Variants in SNRPN observed in about 807,000 individuals in gnomAD.
SNRPN encodes small nuclear ribonucleoprotein polypeptide N.
A neutral mutation model predicts 25.2 loss-of-function variants in SNRPN; 7 were observed. The observed-to-expected ratio is 0.28, with a 90% CI of 0.16 to 0.52. The LOEUF (loss-of-function observed/expected upper bound fraction) is 0.52. Among genes scored for constraint, SNRPN ranks in the 20% least tolerant of loss-of-function variants. The probability of loss-of-function intolerance (pLI) is 0.96; values close to 1 mark genes in which losing one functional copy is unlikely to be tolerated. For missense variants in SNRPN, 196 were observed against 322.5 expected (o/e 0.61, Z 3.00); for synonymous variants, 124 against 110.6 (o/e 1.12, Z -0.76).
In SNRPN at chr15:24,849,881, A is replaced by G. The variant is rs183272102; in HGVS notation, c.-579+19976A>G. The G allele has an allele frequency of 2.4e-4, 36 of 152,370 alleles. No individual in the cohort carries two copies. The East Asian group carries it at 6.9e-3, about 29-fold the overall frequency. 9.4% of individuals were successfully genotyped at this position (152,370 alleles called of 1,614,324 possible). On this transcript the variant is annotated intron_variant, in intron 2 of 12. Coordinates refer to the SNRPN transcript ENST00000400100. ...TTATTGAAAAAATCCTCGTAAAATT[A>G]TAAAGGCATAAGATTTACTTGTTAT...
intron 1 of SNRPN, 67 bp from the exon 2 acceptor site, chr15:24,962,047 C>T (rs967909633): frequency 2.3e-6 from 3 of 1,289,568 alleles, no homozygotes; most frequent in Non-Finnish European, 3.4e-6. Context: ...TAAATATAAC[C>T]TTGACAAATA....
chr15:24,929,144 A>G lies in SNRPN; in HGVS notation c.-391+9020A>G, dbSNP rs1471363956. Among the ~76,000 whole-genome samples, 1 of 152,002 alleles carries G rather than the reference A, an allele frequency of 6.6e-6. No individual in the cohort carries two copies. Among genetic ancestry groups the G allele is most frequent in the Non-Finnish European group, 1.5e-5 (1 of 68,028 alleles). On this transcript the variant is annotated intron_variant, in intron 3 of 11. Transcript: ENST00000400097. The surrounding 1 kb of genome is among the most constrained non-coding windows in gnomAD (Gnocchi z 5.3). ...GATATAGCTATATGTATGTGACTAT[A>G]TGTATTGTGTATATATGTATGTAGC...
At chr15:24,944,881 C>G (rs1172329696) in intron 3 of SNRPN, among the ~76,000 whole-genome samples, 1 of 152,190 alleles carries the variant, frequency 6.6e-6, no homozygotes, top group Non-Finnish European at 1.5e-5. Context: ...CAAGGGCAGT[C>G]TGGAGAGAAT....
intron 1 of SNRPN, among the ~76,000 whole-genome samples, chr15:24,873,778 G>C (rs947953176): frequency 3.3e-5 from 5 of 152,038 alleles, no homozygotes; most frequent in Non-Finnish European, 7.4e-5. Flanking sequence ...AAATCACGGA[G>C]TATATTCTCT....
intron 3 of SNRPN, among the ~76,000 whole-genome samples, chr15:24,922,383 C>G (rs1050790340): frequency 6.6e-6 from 1 of 152,178 alleles, no homozygotes; most frequent in Admixed American, 6.5e-5. Context: ...GAACCCAGAA[C>G]TATTTTTCTC....
chr15:24,876,211 A>AT (rs547553142), intron 1 of SNRPN, among the ~76,000 whole-genome samples: 5 of 151,964 alleles, frequency 3.3e-5, no homozygotes, highest in East Asian at 1.9e-4. Context: ...ACTTGTGTAC[A>AT]TTTTTTTTCC....
At chr15:24,918,126 T>C (rs1320220084) in intron 2 of SNRPN, among the ~76,000 whole-genome samples, 3 of 151,782 alleles carry the variant, frequency 2.0e-5, no homozygotes, top group Non-Finnish European at 4.4e-5. Flanking sequence ...AAAGTACGTA[T>C]CTGTATGTGC....
intron 3 of SNRPN, among the ~76,000 whole-genome samples, chr15:24,972,430 T>C (rs576018728): frequency 1.3e-5 from 2 of 152,284 alleles, no homozygotes; most frequent in South Asian, 4.1e-4. Context: ...GGTCTTTGTT[T>C]GCTTATTTGA....
chr15:24,918,870 T>C (rs1171883085), intron 2 of SNRPN, among the ~76,000 whole-genome samples: 1 of 123,524 alleles, frequency 8.1e-6, no homozygotes, highest in African/African-American at 2.9e-5. Context: ...ACAATATATA[T>C]ATGTGCATAT....
intron 2 of SNRPN, among the ~76,000 whole-genome samples, chr15:24,844,776 A>G (rs11161147): frequency 0.98 from 149,779 of 152,230 alleles, 73,690 homozygotes; most frequent in East Asian, 1. Flanking sequence ...CACCTGCCTC[A>G]GCTTCTCAAA....
chr15:24,885,156 G>A (rs1385905746), intron 1 of SNRPN, among the ~76,000 whole-genome samples: 4 of 152,026 alleles, frequency 2.6e-5, no homozygotes, highest in Non-Finnish European at 4.4e-5. Context: ...AGCATATATT[G>A]TTATGGGTAT....
rs1595759251 is a variant in SNRPN, at chr15:24,895,504, CTG to C, written c.-505+8916_-505+8917del. On this transcript the variant is annotated intron_variant, in intron 2 of 11. Coordinates refer to the SNRPN transcript ENST00000400097. Reference sequence around the variant, plus strand: ...ACCTCAAACATTTAATTTTGGATGACTGAGTCAAAAAGAGAATTGAAATTGCC... The same window carrying C: ...ACCTCAAACATTTAATTTTGGATGACAGTCAAAAAGAGAATTGAAATTGCC... Among the ~76,000 whole-genome samples the C allele has an allele frequency of 3.3e-5, 5 of 151,854 alleles. No homozygotes were observed. The East Asian group carries it at 9.7e-4, about 29-fold the overall frequency.
At chr15:24,922,620 A>C (rs1423506629) in intron 3 of SNRPN, among the ~76,000 whole-genome samples, 1 of 152,180 alleles carries the variant, frequency 6.6e-6, no homozygotes, top group Non-Finnish European at 1.5e-5. Context: ...AGCTACAGGA[A>C]TACATCTTAC....
At chr15:24,835,024 GATATATATA>G (rs2050962655) in intron 2 of SNRPN, among the ~76,000 whole-genome samples, 1 of 52,692 alleles carries the variant, frequency 1.9e-5, no homozygotes, top group Non-Finnish European at 3.9e-5. Flanking sequence ...ATATAAAATA[GATATATATA>G]GTATATATAT....
intron 2 of SNRPN, among the ~76,000 whole-genome samples, chr15:24,837,651 G>A (rs1172891996): frequency 6.6e-6 from 1 of 151,846 alleles, no homozygotes; most frequent in Non-Finnish European, 1.5e-5. Flanking sequence ...TTACAGGCGT[G>A]AGCCACCATG....
At chr15:24,903,564 G>T (rs915928414) in intron 2 of SNRPN, among the ~76,000 whole-genome samples, 1 of 152,230 alleles carries the variant, frequency 6.6e-6, no homozygotes, top group Middle Eastern at 3.4e-3. Flanking sequence ...TTCGGCACAG[G>T]TTCCATTCAT....
At chr15:24,967,808 GAAAAAA>G (rs35146696) in intron 2 of SNRPN, 118 bp from the exon 3 acceptor site, 331 of 491,534 alleles carry the variant, frequency 6.7e-4, no homozygotes, top group Non-Finnish European at 8.1e-4. Flanking sequence ...ACCCTGTCTG[GAAAAAA>G]AAAAAAAAAA....
chr15:24,968,118 A>G, intron 3 of SNRPN, 36 bp downstream of exon 3: 1 of 1,244,106 alleles, frequency 8.0e-7, no homozygotes. Flanking sequence ...AGAATAAAGA[A>G]TCATTAAAGA....
chr15:24,975,200 C>A (rs2076930533), intron 4 of SNRPN, among the ~76,000 whole-genome samples, 158 bp from the exon 5 acceptor site: 1 of 152,072 alleles, frequency 6.6e-6, no homozygotes, highest in Admixed American at 6.5e-5. Context: ...TCCAAAGAGC[C>A]ATACTAAATA....
Sources: allele counts gnomAD v4.1 joint callset (sites outside exome capture counted in the v4.1 genomes callset), GRCh38; gene constraint gnomAD v4.1.1; non-coding constraint Gnocchi (gnomAD v3.1); transcripts MANE v1.5; gene names NCBI Gene and HGNC (gene_info 2026-07-23, HGNC 2026-07-21).